STAC3: variants seen among roughly 807,000 people sequenced by gnomAD.
The protein encoded by STAC3 is SH3 and cysteine rich domain 3.
STAC3 carries 30 observed loss-of-function variants against 48.5 expected under a neutral mutation model. The observed-to-expected ratio is 0.62, with a 90% CI of 0.46 to 0.84. STAC3 has a LOEUF of 0.84. Among genes scored for constraint, STAC3 ranks in the 40% least tolerant of loss-of-function variants. The pLI is 0.00. For synonymous variants in STAC3, 144 were observed against 158.6 expected, an observed-to-expected ratio of 0.91 and a Z score of 0.69; for missense variants, 419 against 462.6, an observed-to-expected ratio of 0.91 and a Z score of 0.86.
Position 57,244,373 on chromosome 12 carries a change from G to A in STAC3, c.807-7C>T. 1.2e-6 allele frequency: 2 copies of A among 1,614,086 alleles called. No individual in the cohort carries two copies. Among genetic ancestry groups the A allele is most frequent in the Non-Finnish European group, 1.7e-6 (2 of 1,180,022 alleles). ...TGTGATCTTCTCTCCTGGCCTGGGAGGGGAAGGGAGGGGCCTCACTCACAT... is the reference window on the plus strand; with the variant it reads ...TGTGATCTTCTCTCCTGGCCTGGGAAGGGAAGGGAGGGGCCTCACTCACAT... On this transcript the variant is annotated splice_polypyrimidine_tract_variant and splice_region_variant and intron_variant, in intron 9 of 11. Transcript: ENST00000332782.
rs78826505 is a variant in STAC3, at chr12:57,249,969, C to T, written c.-1-332G>A. ...CTTGCTTTGTTGCCTAGGCTGGTCC[C>T]GAACTAGCTCAAGCAATCTTCCTGT... On this transcript the variant is annotated intron_variant, in intron 1 of 11. Coordinates refer to ENST00000332782, the MANE Select transcript of STAC3 (RefSeq NM_145064.3). 1.8e-4 allele frequency among the ~76,000 whole-genome samples: 27 copies of T among 152,246 alleles called. No homozygotes were observed. The East Asian group carries it at 4.8e-3, about 27-fold the overall frequency.
Position 57,249,248 on chromosome 12 carries a change from G to C in STAC3, c.127C>G (p.Pro43Ala), listed in dbSNP as rs1235731703. ...TCCCCATTGGCCTGGGGCTCTGGGG[G>C]AAGTTCCATCTCCTTTGTCCCTGTA... is the stretch of plus-strand genomic sequence containing the variant. ...GSTGTKEMEL[P>A]PEPQANGEAV... The change falls in exon 3 of 12, where the codon CCC becomes GCC. Residue 43 changes from proline (P) to alanine (A), a missense_variant. Pro to Ala is a conservative substitution (Grantham distance 27, BLOSUM62 -1). Coordinates refer to ENST00000332782, the MANE Select transcript of STAC3 (RefSeq NM_145064.3). The C allele has an allele frequency of 6.2e-7, 1 of 1,613,846 alleles. No individual in the cohort carries two copies. The highest frequency in any genetic ancestry group is 8.5e-7 in the Non-Finnish European group (1 of 1,179,898).
intron 5 of STAC3, 112 bp from the exon 6 acceptor site, chr12:57,247,013 G>T: frequency 1.0e-6 from 1 of 1,003,554 alleles, no homozygotes; most frequent in South Asian, 1.3e-5. Flanking sequence ...TGTGTTGGGT[G>T]GCGGTGGGGG....
rs911073166 is a variant in STAC3, at chr12:57,251,113, C to A, written c.-122G>T. 1 of 453,490 alleles carries A rather than the reference C, an allele frequency of 2.2e-6. No individual in the cohort carries two copies. Among genetic ancestry groups the A allele is most frequent in the Non-Finnish European group, 4.4e-6 (1 of 226,298 alleles). 28.1% of individuals were successfully genotyped at this position (453,490 alleles called of 1,614,324 possible). On this transcript the variant is annotated 5_prime_UTR_variant, in exon 1 of 12. Coordinates refer to ENST00000332782, the MANE Select transcript of STAC3 (RefSeq NM_145064.3). ...TGGGGGCTAAGCCCCCCCAGTACCC[C>A]CTGTGTTCACACCAGCTACCCAGTC...
chr12:57,248,913 TCTC>T (rs2037831406), intron 3 of STAC3, 110 bp from the exon 4 acceptor site: 6 of 1,533,660 alleles, frequency 3.9e-6, no homozygotes, highest in Non-Finnish European at 5.4e-6. Flanking sequence ...ACTTGCTCAA[TCTC>T]TAATAGCATT....
rs781568836 is a variant in STAC3, at chr12:57,243,777, G to A, written c.*35C>T. ...CTCCACTGGGCCCGCCCAGAATGGGGTGTGGGTGTCTCCCGCTTGCAGGCG... is the reference window on the plus strand; with the variant it reads ...CTCCACTGGGCCCGCCCAGAATGGGATGTGGGTGTCTCCCGCTTGCAGGCG... On this transcript the variant is annotated 3_prime_UTR_variant, in exon 12 of 12. Coordinates refer to ENST00000332782, the MANE Select transcript of STAC3 (RefSeq NM_145064.3). 15 of 1,590,204 alleles carry A rather than the reference G, an allele frequency of 9.4e-6. No homozygotes were observed. In the African/African-American group the frequency reaches 1.9e-4, roughly 20 times the overall value.
chr12:57,247,910 T>C (rs912678331), intron 5 of STAC3, among the ~76,000 whole-genome samples: 9 of 152,214 alleles, frequency 5.9e-5, no homozygotes, highest in African/African-American at 2.2e-4. Context: ...GCTCTACCTC[T>C]TGCTAACTGT....
At position 57,249,669 on chromosome 12, in the gene STAC3, A is replaced by T. The variant is rs750701102; in HGVS notation, c.-1-32T>A. 5.6e-6 allele frequency: 9 copies of T among 1,611,474 alleles called. No individual in the cohort carries two copies. In the East Asian group the frequency reaches 2.0e-4, roughly 36 times the overall value. ...GAGGTTGGACCCCACTATGAAATCT[A>T]ATCCCTTTCATTCTTCTCTCCCTTT... On this transcript the variant is annotated intron_variant, in intron 1 of 11. Coordinates refer to ENST00000332782, the MANE Select transcript of STAC3 (RefSeq NM_145064.3).
At position 57,246,958 on chromosome 12, in the gene STAC3, G is replaced by A. The variant is rs1340909592; in HGVS notation, c.506-57C>T. The A allele has an allele frequency of 2.8e-5, 43 of 1,537,618 alleles. No homozygotes were observed. The East Asian group carries it at 9.5e-4, about 34-fold the overall frequency. ...TTGGGAAGGCAGAGAAAGGCTTGGA[G>A]GAAAGGAAGGGAGAGGTGGGATTGA... On this transcript the variant is annotated intron_variant, in intron 5 of 11. Coordinates refer to ENST00000332782, the MANE Select transcript of STAC3 (RefSeq NM_145064.3).
chr12:57,244,762 CGTGG>C, intron 8 of STAC3, 140 bp from the exon 9 acceptor site: 1 of 1,378,030 alleles, frequency 7.3e-7, no homozygotes, highest in Non-Finnish European at 1.0e-6. Context: ...GTGTTTTGGT[CGTGG>C]GTGGGTGTGC....
At chr12:57,248,992 A>G in intron 3 of STAC3, 49 bp downstream of exon 3, 5 of 1,562,128 alleles carry the variant, frequency 3.2e-6, no homozygotes, top group Non-Finnish European at 4.3e-6. Context: ...CCTCTCCCCA[A>G]ACCTCTGCCT....
Position 57,249,142 on chromosome 12 carries a change from G to T in STAC3, c.233C>A (p.Pro78His), listed in dbSNP as rs766322258. 2 of 1,613,918 alleles carry T rather than the reference G, an allele frequency of 1.2e-6. No individual in the cohort carries two copies. The highest frequency in any genetic ancestry group is 1.1e-5 in the South Asian group (1 of 91,058). ...EEEEEEEEEP[P>H]PEPPKLVNDK... is the part of the protein sequence containing the mutation. ...GTTGACCAGCTTAGGAGGTTCTGGG[G>T]GTGGCTCCTCCTCCTCCTCTTCTTC... The change falls in exon 3 of 12, where the codon CCC (proline) becomes CAC (histidine). Residue 78 changes from proline (P) to histidine (H), a missense_variant. Pro to His is a moderately conservative substitution (Grantham distance 77, BLOSUM62 -2). Coordinates refer to ENST00000332782, the MANE Select transcript of STAC3 (RefSeq NM_145064.3).
chr12:57,243,934 T>G (rs80212483), intron 11 of STAC3, 24 bp from the exon 12 acceptor site: 2 of 1,611,984 alleles, frequency 1.2e-6, no homozygotes, highest in East Asian at 4.5e-5. Flanking sequence ...GGATCAGAAG[T>G]AGGAGAGGAA....
chr12:57,250,386 T>A (rs577972913), intron 1 of STAC3, among the ~76,000 whole-genome samples: 36 of 73,354 alleles, frequency 4.9e-4, no homozygotes, highest in Non-Finnish European at 6.6e-4. Context: ...CAAGACTTCG[T>A]CTCAAAAAAA....
At chr12:57,244,745 G>A in intron 8 of STAC3, 123 bp from the exon 9 acceptor site, 1 of 1,411,950 alleles carries the variant, frequency 7.1e-7, no homozygotes, top group Non-Finnish European at 9.9e-7. Context: ...TCCCTGAACT[G>A]AGAGAAGTGT....
At chr12:57,248,485 T>C in intron 4 of STAC3, 1 of 589,912 alleles carries the variant, frequency 1.7e-6, no homozygotes, top group South Asian at 1.9e-5. Context: ...TTTACGCCAT[T>C]CTCCTGCCTC....
At chr12:57,247,428 A>ATTTTTTTTTTTTTTTTTTT (rs367784960) in intron 5 of STAC3, among the ~76,000 whole-genome samples, 1 of 58,532 alleles carries the variant, frequency 1.7e-5, no homozygotes, top group African/African-American at 5.6e-5. Flanking sequence ...TATTATTATT[A>ATTTTTTTTTTTTTTTTTTT]TTTTTTTTTT....
intron 1 of STAC3, among the ~76,000 whole-genome samples, chr12:57,249,999 A>G (rs11172131): frequency 2.0e-5 from 3 of 151,990 alleles, no homozygotes; most frequent in Non-Finnish European, 4.4e-5. Flanking sequence ...TCCTGTTTCA[A>G]CCTCCCAAAT....
intron 5 of STAC3, among the ~76,000 whole-genome samples, chr12:57,247,419 A>ATTTTTTTTTTT (rs1360362639): frequency 6.8e-5 from 6 of 88,670 alleles, no homozygotes; most frequent in African/African-American, 2.4e-4. Flanking sequence ...TATTATTATT[A>ATTTTTTTTTTT]TTATTATTAT....
Sources: allele counts gnomAD v4.1 joint callset (sites outside exome capture counted in the v4.1 genomes callset), GRCh38; gene constraint gnomAD v4.1.1; transcripts MANE v1.5; gene names NCBI Gene and HGNC (gene_info 2026-07-23, HGNC 2026-07-21).